The following C3orf49 variants were observed in gnomAD, a reference collection of about 807,000 sequenced individuals.
C3orf49 encodes the protein putative uncharacterized protein C3orf49.
C3orf49 carries 27 observed loss-of-function variants against 13.3 expected under a neutral mutation model. The ratio of observed to expected loss-of-function variants is 2.02; its 90% CI spans 1.49 to 2.79. The LOEUF (loss-of-function observed/expected upper bound fraction) is 2.79. C3orf49 is among the 30% of genes most tolerant of loss of function. C3orf49 has a pLI of 0.00. For synonymous variants in C3orf49, 87 were observed against 47.6 expected, an observed-to-expected ratio of 1.83 and a Z score of -3.40; for missense variants, 242 against 134.2, an observed-to-expected ratio of 1.80 and a Z score of -3.97.
the C3orf49 span, among the ~76,000 whole-genome samples, chr3:63,804,212 T>G: frequency 6.6e-6 from 1 of 152,144 alleles, no homozygotes; most frequent in Non-Finnish European, 1.5e-5. Flanking sequence ...GGGCTGATAC[T>G]GGTTTGTGGC....
intron 1 of C3orf49, 68 bp downstream of exon 1, chr3:63,819,664 T>C (rs1378708870): frequency 1.4e-6 from 1 of 695,732 alleles, no homozygotes; most frequent in Non-Finnish European, 2.6e-6. Context: ...GCATGTCCTT[T>C]TAAGCATTGC....
chr3:63,807,152 C>T, the C3orf49 span, among the ~76,000 whole-genome samples: 1 of 152,028 alleles, frequency 6.6e-6, no homozygotes, highest in Non-Finnish European at 1.5e-5. Flanking sequence ...GGGGTTTCAC[C>T]GTGTTAGCCA....
At chr3:63,800,777 A>T in the C3orf49 span, among the ~76,000 whole-genome samples, 1 of 152,102 alleles carries the variant, frequency 6.6e-6, no homozygotes. Context: ...GAGGAATACA[A>T]ACTTGCAAAT....
intron 3 of C3orf49, among the ~76,000 whole-genome samples, chr3:63,828,805 G>C (rs959119734): frequency 8.5e-5 from 13 of 152,246 alleles, no homozygotes; most frequent in African/African-American, 2.6e-4. Flanking sequence ...ATGGTACTGA[G>C]AGTTTAAGTA....
At chr3:63,838,080 T>A (rs1233146123) in intron 5 of C3orf49, 13 of 1,575,032 alleles carry the variant, frequency 8.3e-6, no homozygotes, top group Non-Finnish European at 1.1e-5. Flanking sequence ...AGAAGGTTTT[T>A]TAAAAGATAG....
chr3:63,806,234 A>G, the C3orf49 span, among the ~76,000 whole-genome samples: 3,924 of 152,264 alleles, frequency 0.026, 117 homozygotes, highest in East Asian at 0.12. Flanking sequence ...GAGTACCCCA[A>G]TGAAATCGAG....
chr3:63,805,061 G>C, the C3orf49 span: 1 of 152,176 alleles, frequency 6.6e-6, no homozygotes, highest in Non-Finnish European at 1.5e-5. Context: ...ATGGATCTAT[G>C]AGACAGCACA....
chr3:63,838,773 G>T (rs975584759), intron 5 of C3orf49, among the ~76,000 whole-genome samples: 18 of 152,084 alleles, frequency 1.2e-4, no homozygotes, highest in African/African-American at 4.1e-4. Context: ...TTGTTTAAAA[G>T]ACTTTAGAAA....
At chr3:63,797,232 T>G in the C3orf49 span, among the ~76,000 whole-genome samples, 2 of 152,084 alleles carry the variant, frequency 1.3e-5, no homozygotes, top group Non-Finnish European at 1.5e-5. Context: ...TCTCTCTCTC[T>G]TTGGTTTCTG....
intron 6 of C3orf49, among the ~76,000 whole-genome samples, chr3:63,847,578 A>G (rs919269815): frequency 2.6e-5 from 4 of 152,146 alleles, no homozygotes; most frequent in Non-Finnish European, 4.4e-5. Context: ...TTCTACCAAA[A>G]ATACAAAAAT....
chr3:63,784,199 A>G, the C3orf49 span, among the ~76,000 whole-genome samples: 4 of 152,232 alleles, frequency 2.6e-5, no homozygotes, highest in East Asian at 5.8e-4. Flanking sequence ...GATTTAAATC[A>G]TACTGAGAAA....
chr3:63,800,559 C>G, the C3orf49 span, among the ~76,000 whole-genome samples: 5 of 152,050 alleles, frequency 3.3e-5, no homozygotes, highest in Admixed American at 2.6e-4. Flanking sequence ...TAAACAGGAA[C>G]AATGTTGAAC....
the C3orf49 span, among the ~76,000 whole-genome samples, chr3:63,808,913 C>T: frequency 2.0e-5 from 3 of 152,096 alleles, no homozygotes; most frequent in East Asian, 1.9e-4. Flanking sequence ...ATCCCAATTC[C>T]GTCGGTACCT....
chr3:63,834,781 CA>C (rs1701594706), intron 5 of C3orf49, among the ~76,000 whole-genome samples: 1 of 152,066 alleles, frequency 6.6e-6, no homozygotes, highest in Non-Finnish European at 1.5e-5. Flanking sequence ...TCCAGTTCCC[CA>C]AAGCACCCAC....
Position 63,831,855 on chromosome 3 carries a change from C to G in C3orf49, c.849+11C>G. 1 of 696,048 alleles carries G rather than the reference C, an allele frequency of 1.4e-6. No homozygotes were observed. The highest frequency in any genetic ancestry group is 2.6e-6 in the Non-Finnish European group (1 of 382,378). The allele number at this position is 696,048 out of a possible 1,614,324, so 43.1% of individuals were successfully genotyped here. On this transcript the variant is annotated intron_variant, in intron 5 of 6. Transcript: ENST00000295896. Reference sequence around the variant, plus strand: ...TATAAATTAAAAAATGTGTGTTTCCCATGTACCTGCTGCTGCTTCTGACTT... The same window carrying G: ...TATAAATTAAAAAATGTGTGTTTCCGATGTACCTGCTGCTGCTTCTGACTT...
At chr3:63,823,861 C>T (rs1369517739) in intron 2 of C3orf49, among the ~76,000 whole-genome samples, 1 of 151,084 alleles carries the variant, frequency 6.6e-6, no homozygotes, top group Non-Finnish European at 1.5e-5. Context: ...AGTGCAGAGG[C>T]ATGATCTCGG....
Position 63,822,132 on chromosome 3 carries a change from C to T in C3orf49, c.126-1118C>T, listed in dbSNP as rs138194533. On this transcript the variant is annotated intron_variant, in intron 1 of 6. Coordinates refer to ENST00000295896, the MANE Select transcript of C3orf49 (RefSeq NM_001355236.2). ...CTGGGACTACAGGCGCCCGCCACCACGCCTAACTAATGTTTTGTGTTTTTA... is the reference window on the plus strand; with the variant it reads ...CTGGGACTACAGGCGCCCGCCACCATGCCTAACTAATGTTTTGTGTTTTTA... 8.2e-3 allele frequency among the ~76,000 whole-genome samples: 1,247 copies of T among 152,182 alleles called. 16 individuals carry two copies. Among genetic ancestry groups the T allele is most frequent in the African/African-American group, 0.024 (1,008 of 41,530 alleles).
At chr3:63,813,443 T>A in the C3orf49 span, among the ~76,000 whole-genome samples, 6 of 152,174 alleles carry the variant, frequency 3.9e-5, no homozygotes, top group Non-Finnish European at 8.8e-5. Flanking sequence ...AGGCCAACAC[T>A]GAGAAGTTAG....
the C3orf49 span, among the ~76,000 whole-genome samples, chr3:63,780,801 A>G: frequency 6.6e-6 from 1 of 152,122 alleles, no homozygotes; most frequent in Non-Finnish European, 1.5e-5. Context: ...TGAGAAATGT[A>G]TGTTCATGTC....
Sources: allele counts gnomAD v4.1 joint callset (sites outside exome capture counted in the v4.1 genomes callset), GRCh38; gene constraint gnomAD v4.1.1; transcripts MANE v1.5; gene names NCBI Gene and HGNC (gene_info 2026-07-23, HGNC 2026-07-21).